SPAG17: variants seen among roughly 807,000 people sequenced by gnomAD.
The protein encoded by SPAG17 is sperm-associated antigen 17.
In SPAG17, 169 loss-of-function variants were observed where a neutral mutation model predicts 273.6. The ratio of observed to expected loss-of-function variants is 0.62; its 90% CI spans 0.55 to 0.70. The LOEUF (loss-of-function observed/expected upper bound fraction) is 0.70. Ranked by LOEUF, SPAG17 falls within the 30% of genes least tolerant of loss-of-function variation. The probability of loss-of-function intolerance (pLI) is 0.00; values close to 1 mark genes in which losing one functional copy is unlikely to be tolerated. For synonymous variants in SPAG17, 825 were observed against 873.2 expected, an observed-to-expected ratio of 0.94 and a Z score of 0.97; for missense variants, 2,557 against 2,627.8, an observed-to-expected ratio of 0.97 and a Z score of 0.59.
chr1:117,954,440 A>T, intron 48 of SPAG17: 1 of 770,810 alleles, frequency 1.3e-6, no homozygotes, highest in Admixed American at 2.9e-5. Flanking sequence ...AGGTTTGATA[A>T]TTCTTTTACA....
chr1:118,062,239 C>T (rs963838011), intron 18 of SPAG17, among the ~76,000 whole-genome samples: 5 of 150,280 alleles, frequency 3.3e-5, no homozygotes, highest in African/African-American at 7.3e-5. Context: ...TAGTGGCGGG[C>T]GCCTGTAGTC....
chr1:118,107,750 A>G (rs1448997584), intron 4 of SPAG17, among the ~76,000 whole-genome samples: 1 of 152,174 alleles, frequency 6.6e-6, no homozygotes, highest in Non-Finnish European at 1.5e-5. Context: ...AATTTGGAAA[A>G]AAATATAAAG....
At chr1:117,981,833 C>G (rs1279224042) in intron 42 of SPAG17, among the ~76,000 whole-genome samples, 1 of 152,136 alleles carries the variant, frequency 6.6e-6, no homozygotes, top group Non-Finnish European at 1.5e-5. Context: ...TTAAATGTAT[C>G]TCTTTAAGAA....
At chr1:118,180,376 T>C (rs1357210760) in intron 1 of SPAG17, among the ~76,000 whole-genome samples, 1 of 151,992 alleles carries the variant, frequency 6.6e-6, no homozygotes, top group African/African-American at 2.4e-5. Context: ...CACTCTTATG[T>C]AGGAAATAAA....
intron 3 of SPAG17, among the ~76,000 whole-genome samples, chr1:118,126,501 C>T (rs1657745132): frequency 2.0e-5 from 3 of 151,962 alleles, no homozygotes; most frequent in African/African-American, 7.2e-5. Flanking sequence ...GTGTGAGCCA[C>T]CGCGCCCGGC....
chr1:118,030,395 T>C (rs1464970360), intron 25 of SPAG17, among the ~76,000 whole-genome samples: 1 of 152,162 alleles, frequency 6.6e-6, no homozygotes, highest in African/African-American at 2.4e-5. Flanking sequence ...TGCCGGTCTT[T>C]TAGAACCTTC....
chr1:118,112,187 T>C (rs1179222438), intron 4 of SPAG17, among the ~76,000 whole-genome samples: 1 of 152,038 alleles, frequency 6.6e-6, no homozygotes, highest in Non-Finnish European at 1.5e-5. Flanking sequence ...GGGTTCAAAA[T>C]TGTCTTGACT....
At chr1:117,957,385 C>G (rs752377374) in intron 48 of SPAG17, among the ~76,000 whole-genome samples, 3 of 152,126 alleles carry the variant, frequency 2.0e-5, no homozygotes, top group Non-Finnish European at 4.4e-5. Context: ...GCTACCAGCC[C>G]AAGCAATCAG....
At chr1:118,149,173 G>C (rs1000799095) in intron 3 of SPAG17, among the ~76,000 whole-genome samples, 1 of 152,174 alleles carries the variant, frequency 6.6e-6, no homozygotes, top group African/African-American at 2.4e-5. Flanking sequence ...GAATGTGGTA[G>C]AGCCAGATGT....
chr1:117,967,454 T>TA (rs1432062112), intron 46 of SPAG17, among the ~76,000 whole-genome samples: 1 of 152,000 alleles, frequency 6.6e-6, no homozygotes, highest in Non-Finnish European at 1.5e-5. Context: ...ATACTAACAA[T>TA]AACGACAGGT....
intron 6 of SPAG17, among the ~76,000 whole-genome samples, chr1:118,099,365 G>A (rs994494727): frequency 6.6e-6 from 1 of 152,186 alleles, no homozygotes; most frequent in Non-Finnish European, 1.5e-5. Context: ...ACTGCAGTCT[G>A]TTTTCTGTGG....
At chr1:117,959,995 A>G (rs757781471) in intron 48 of SPAG17, 5 of 152,242 alleles carry the variant, frequency 3.3e-5, no homozygotes, top group Admixed American at 2.6e-4. Flanking sequence ...ATGTCTGTAT[A>G]TAAGAAGATT....
At chr1:118,003,632 T>A (rs960182445) in intron 32 of SPAG17, among the ~76,000 whole-genome samples, 2 of 152,234 alleles carry the variant, frequency 1.3e-5, no homozygotes, top group African/African-American at 4.8e-5. Context: ...GCATGTGTCA[T>A]GAAGTTCTCA....
chr1:118,058,392 G>A (rs569248141), intron 18 of SPAG17, among the ~76,000 whole-genome samples: 3 of 152,090 alleles, frequency 2.0e-5, no homozygotes, highest in African/African-American at 7.2e-5. Flanking sequence ...ATTTTTTGTA[G>A]AGACAGGTTT....
At chr1:117,982,704 C>G (rs1050041722) in intron 42 of SPAG17, among the ~76,000 whole-genome samples, 3 of 152,188 alleles carry the variant, frequency 2.0e-5, no homozygotes, top group African/African-American at 7.2e-5. Flanking sequence ...TAACAATGTC[C>G]TCTCTTACAT....
chr1:118,168,257 G>A (rs1660262881), intron 1 of SPAG17, among the ~76,000 whole-genome samples: 1 of 152,168 alleles, frequency 6.6e-6, no homozygotes, highest in Admixed American at 6.5e-5. Context: ...ATCATTCAAT[G>A]AGAAGGTGAC....
chr1:118,041,674 A>G, intron 21 of SPAG17, 129 bp downstream of exon 21: 1 of 1,256,918 alleles, frequency 8.0e-7, no homozygotes, highest in Non-Finnish European at 1.1e-6. Context: ...GTTTGAGCTC[A>G]TTAATACCAG....
intron 3 of SPAG17, among the ~76,000 whole-genome samples, chr1:118,132,767 A>G (rs546533527): frequency 6.7e-6 from 1 of 150,296 alleles, no homozygotes; most frequent in Admixed American, 6.6e-5. Flanking sequence ...AAGCGTGAAC[A>G]TTTTCTTTTC....
intron 18 of SPAG17, among the ~76,000 whole-genome samples, chr1:118,057,006 G>T (rs1038309995): frequency 1.3e-5 from 2 of 148,888 alleles, no homozygotes; most frequent in Admixed American, 6.7e-5. Flanking sequence ...ACTGAGTCTC[G>T]CTCTGTCACC....
Sources: gnomAD v4.1 joint callset for allele counts (sites outside exome capture counted in the v4.1 genomes callset) on GRCh38, gnomAD v4.1.1 for gene constraint, MANE v1.5 for transcripts, NCBI Gene and HGNC (gene_info 2026-07-23, HGNC 2026-07-21) for gene names.